The following ABCC5 variants were observed in gnomAD, a reference collection of about 807,000 sequenced individuals.
The protein encoded by ABCC5 is ATP binding cassette subfamily C member 5.
A neutral mutation model predicts 160.9 loss-of-function variants in ABCC5; 61 were observed. That is an observed-to-expected ratio of 0.38 (90% CI 0.31 to 0.47). ABCC5 has a LOEUF of 0.47. Ranked by LOEUF, ABCC5 falls within the 20% of genes least tolerant of loss-of-function variation. The pLI, the probability that ABCC5 is intolerant of heterozygous loss-of-function variation, is 0.99. For synonymous variants in ABCC5, 666 were observed against 700.6 expected, an observed-to-expected ratio of 0.95 and a Z score of 0.78; for missense variants, 1,308 against 1,813.3, an observed-to-expected ratio of 0.72 and a Z score of 5.06.
intron 2 of ABCC5, among the ~76,000 whole-genome samples, chr3:184,010,266 CAAAAAAAA>C (rs10541470): frequency 1.3e-5 from 1 of 74,480 alleles, no homozygotes; most frequent in Non-Finnish European, 2.5e-5. Flanking sequence ...GACTTCGTCT[CAAAAAAAA>C]AAAAAAAAAA....
At chr3:184,000,176 T>G (rs995915970) in intron 2 of ABCC5, among the ~76,000 whole-genome samples, 3 of 151,450 alleles carry the variant, frequency 2.0e-5, no homozygotes, top group African/African-American at 7.3e-5. Flanking sequence ...CTGGGCAACA[T>G]GATGAAACCC....
chr3:183,947,304 C>T lies in ABCC5; in HGVS notation c.3414+20G>A. 1 of 1,568,336 alleles carries T rather than the reference C, an allele frequency of 6.4e-7. No individual in the cohort carries two copies. The highest frequency in any genetic ancestry group is 8.7e-7 in the Non-Finnish European group (1 of 1,152,158). On this transcript the variant is annotated intron_variant, in intron 23 of 29. Coordinates refer to ENST00000334444, the MANE Select transcript of ABCC5 (RefSeq NM_005688.4). ...AGGGCTCAAACAAGCAAAGATGACG[C>T]TCCTATCCCAGAGACTGACCTGGAC... is the stretch of plus-strand genomic sequence containing the variant.
Position 183,965,442 on chromosome 3 carries a change from C to T in ABCC5, c.1893G>A (p.Gln631=), listed in dbSNP as rs773479578. The change falls in exon 13 of 30, where the codon CAG becomes CAA. Residue 631 remains glutamine (Q), a synonymous_variant. Transcript: ENST00000334444. ...TCAGAGTAGCATTGAGGATCCAGGC[C>T]TGCTGGGCCACATAAGCGAAGGTTC... ...ISGTFAYVAQ[Q]AWILNATLRD... is the part of the protein sequence containing the mutation. 9.3e-6 allele frequency: 15 copies of T among 1,613,730 alleles called. No individual in the cohort carries two copies. The highest frequency in any genetic ancestry group is 2.7e-5 in the African/African-American group (2 of 74,928).
At chr3:183,946,132 G>A (rs187629097) in intron 23 of ABCC5, among the ~76,000 whole-genome samples, 193 bp from the exon 24 acceptor site, 46 of 152,258 alleles carry the variant, frequency 3.0e-4, no homozygotes, top group African/African-American at 1.1e-3. Context: ...CAGTGAATGC[G>A]GGCAGTATCA....
intron 24 of ABCC5, among the ~76,000 whole-genome samples, chr3:183,945,124 C>T (rs1714720424): frequency 6.6e-6 from 1 of 152,206 alleles, no homozygotes; most frequent in South Asian, 2.1e-4. Context: ...AGCCATGCGT[C>T]CTGTTAAGCC....
chr3:183,930,809 G>A (rs1166306422), intron 26 of ABCC5, among the ~76,000 whole-genome samples: 1 of 152,194 alleles, frequency 6.6e-6, no homozygotes, highest in Non-Finnish European at 1.5e-5. Flanking sequence ...CTGTGAGATA[G>A]TACATTTCTG....
At chr3:183,950,297 T>C (rs979374225) in intron 20 of ABCC5, among the ~76,000 whole-genome samples, 172 bp from the exon 21 acceptor site, 1 of 152,128 alleles carries the variant, frequency 6.6e-6, no homozygotes, top group Non-Finnish European at 1.5e-5. Context: ...TTTTTTTTTT[T>C]CGTCTCAAGA....
At chr3:183,995,925 A>G (rs1019119334) in intron 2 of ABCC5, among the ~76,000 whole-genome samples, 2 of 151,894 alleles carry the variant, frequency 1.3e-5, no homozygotes, top group South Asian at 2.1e-4. Context: ...CTCCTGCCTC[A>G]GCCTCCCGAG....
chr3:183,982,252 C>T lies in ABCC5; in HGVS notation c.999+199G>A, dbSNP rs1050417778. 6.6e-6 allele frequency among the ~76,000 whole-genome samples: 1 copy of T among 152,174 alleles called. No homozygotes were observed. Among genetic ancestry groups the T allele is most frequent in the African/African-American group, 2.4e-5 (1 of 41,448 alleles). On this transcript the variant is annotated intron_variant, in intron 7 of 29. Transcript: ENST00000334444. The surrounding 1 kb of genome is among the most constrained non-coding windows in gnomAD (Gnocchi z 5.2). ...TGACCTTCTCATTCAGACTCTCTTT[C>T]ATGCAAGTGACACCTTACCTCCTCT...
rs1393610073 is a variant in ABCC5, at chr3:183,978,509, T to C, written c.1290A>G (p.Ala430=). ...TCCCTGAGGGTTCCCTGACCTGTGC[T>C]GCTGTCAGATCGAAGCCCAGGGTCA... is the stretch of plus-strand genomic sequence containing the variant. ...VHMTLGFDLT[A]AQAFTVVTVF... Residue 430 remains alanine (A), a synonymous_variant, in exon 9 of 30, where the codon GCA becomes GCG. Transcript: ENST00000334444. The C allele has an allele frequency of 2.5e-6, 4 of 1,613,720 alleles. No individual in the cohort carries two copies. In the East Asian group the frequency reaches 6.7e-5, roughly 27 times the overall value.
chr3:183,924,010 C>CTTTT lies in ABCC5; in HGVS notation c.4212+1541_4212+1544dup, dbSNP rs200040197. On this transcript the variant is annotated intron_variant, in intron 29 of 29. Coordinates refer to ENST00000334444, the MANE Select transcript of ABCC5 (RefSeq NM_005688.4). ...AAATCCCACCAATTTTTACTGTTTG[C>CTTTT]TTTTTTTTTTTTTTTTTTTTTTTGA... Among the ~76,000 whole-genome samples, 160 of 112,754 alleles carry CTTTT rather than the reference C, an allele frequency of 1.4e-3. 5 individuals carry two copies. Among genetic ancestry groups the CTTTT allele is most frequent in the South Asian group, 3.6e-3 (13 of 3,642 alleles). The allele number at this position is 112,754 out of a possible 152,430, so 74.0% of individuals were successfully genotyped here.
chr3:183,962,851 C>A (rs1404028109), intron 15 of ABCC5, among the ~76,000 whole-genome samples: 1 of 152,162 alleles, frequency 6.6e-6, no homozygotes, highest in African/African-American at 2.4e-5. Context: ...CATGAATCTG[C>A]TGATGGAGCC....
Position 183,985,517 on chromosome 3 carries a change from C to G in ABCC5, c.591+2253G>C. Reference sequence around the variant, plus strand: ...ACCTCTCTAAGGGTTTTACACTGTCCTTTCCCCAAAAGGCCCTCGAGCAGA... The same window carrying G: ...ACCTCTCTAAGGGTTTTACACTGTCGTTTCCCCAAAAGGCCCTCGAGCAGA... On this transcript the variant is annotated intron_variant, in intron 5 of 29. Coordinates refer to ENST00000334444, the MANE Select transcript of ABCC5 (RefSeq NM_005688.4). 5.0e-6 allele frequency: 4 copies of G among 800,710 alleles called. No individual in the cohort carries two copies. The South Asian group carries it at 5.4e-5, about 11-fold the overall frequency. The allele number at this position is 800,710 out of a possible 1,614,324, so 49.6% of individuals were successfully genotyped here. A position where few individuals can be genotyped will look rare whatever the true frequency, so the allele number is the denominator to read the frequency against.
intron 23 of ABCC5, among the ~76,000 whole-genome samples, chr3:183,946,617 C>G (rs1180332941): frequency 6.6e-6 from 1 of 152,124 alleles, no homozygotes; most frequent in Non-Finnish European, 1.5e-5. Flanking sequence ...AAATGATCAA[C>G]TTACAGTCAA....
At chr3:183,932,565 C>T (rs904415781) in intron 26 of ABCC5, among the ~76,000 whole-genome samples, 6 of 152,174 alleles carry the variant, frequency 3.9e-5, no homozygotes, top group African/African-American at 1.2e-4. Flanking sequence ...ATGAGTAGAG[C>T]CAGCCGGCCA....
chr3:183,959,943 G>C, intron 16 of ABCC5, 108 bp from the exon 17 acceptor site: 1 of 722,680 alleles, frequency 1.4e-6, no homozygotes, highest in Non-Finnish European at 2.2e-6. Flanking sequence ...ACTGAAAAAA[G>C]ATACATCCAA....
chr3:183,961,262 C>T (rs1014447868), intron 16 of ABCC5, among the ~76,000 whole-genome samples: 1 of 152,216 alleles, frequency 6.6e-6, no homozygotes, highest in African/African-American at 2.4e-5. Flanking sequence ...CCATATCCTT[C>T]TCCCTGCCAT....
chr3:183,942,038 A>G (rs886425098), intron 25 of ABCC5, among the ~76,000 whole-genome samples: 1 of 146,500 alleles, frequency 6.8e-6, no homozygotes, highest in Non-Finnish European at 1.5e-5. Context: ...ACAGTTACGC[A>G]TTTCTTTTCT....
At chr3:183,997,900 G>A (rs1203710027) in intron 2 of ABCC5, among the ~76,000 whole-genome samples, 2 of 152,034 alleles carry the variant, frequency 1.3e-5, no homozygotes, top group Non-Finnish European at 2.9e-5. Context: ...TCCCACCTCA[G>A]CCTCCAGAGT....
Sources: gnomAD v4.1 joint callset for allele counts (sites outside exome capture counted in the v4.1 genomes callset) on GRCh38, gnomAD v4.1.1 for gene constraint, Gnocchi (gnomAD v3.1) non-coding constraint, MANE v1.5 for transcripts, NCBI Gene and HGNC (gene_info 2026-07-23, HGNC 2026-07-21) for gene names.